Variants in ADAMTS9 observed in about 807,000 individuals in gnomAD.
The protein encoded by ADAMTS9 is ADAM metallopeptidase with thrombospondin type 1 motif 9.
Under a neutral mutation model 257.1 loss-of-function variants are expected in ADAMTS9, and 107 were observed. The ratio of observed to expected loss-of-function variants is 0.42; its 90% confidence interval spans 0.36 to 0.49. The LOEUF (loss-of-function observed/expected upper bound fraction) is 0.49, where lower values mean the gene tolerates loss of function less well. Ranked by LOEUF, ADAMTS9 falls within the 20% of genes least tolerant of loss-of-function variation. ADAMTS9 has a pLI of 0.03. For synonymous variants in ADAMTS9, 982 were observed against 880.9 expected (o/e 1.11, Z -2.03); for missense variants, 2,353 against 2,469.1 (o/e 0.95, Z 1.00).
chr3:64,598,377 G>A (rs1480983843), intron 26 of ADAMTS9, among the ~76,000 whole-genome samples: 26 of 150,230 alleles, frequency 1.7e-4, no homozygotes, highest in Admixed American at 1.7e-3. Context: ...GAACACAGTG[G>A]TGCGATCACA....
At chr3:64,615,852 C>T (rs568990663) in intron 20 of ADAMTS9, 108 bp downstream of exon 20, 295 of 1,302,396 alleles carry the variant, frequency 2.3e-4, no homozygotes, top group Non-Finnish European at 3.0e-4. Context: ...AAATCAATCA[C>T]GGTCATCTCT....
At chr3:64,576,385 TC>T (rs2083847361) in intron 28 of ADAMTS9, among the ~76,000 whole-genome samples, 1 of 152,190 alleles carries the variant, frequency 6.6e-6, no homozygotes, top group Admixed American at 6.5e-5. Flanking sequence ...GTTGTCACAG[TC>T]CTTTGTCAAA....
chr3:64,532,151 G>A (rs751500740), intron 38 of ADAMTS9, among the ~76,000 whole-genome samples: 7 of 152,188 alleles, frequency 4.6e-5, no homozygotes, highest in Non-Finnish European at 1.0e-4. Flanking sequence ...CAGTCGACAC[G>A]CTCCTCAGTT....
chr3:64,528,473 C>A (rs923607189), intron 38 of ADAMTS9, among the ~76,000 whole-genome samples: 1 of 152,138 alleles, frequency 6.6e-6, no homozygotes, highest in African/African-American at 2.4e-5. Context: ...TGAGGAGAAA[C>A]TTTACGACCC....
At chr3:64,642,071 C>G (rs1700659837) in intron 11 of ADAMTS9, 78 bp from the exon 12 acceptor site, 1 of 1,498,816 alleles carries the variant, frequency 6.7e-7, no homozygotes, top group African/African-American at 1.4e-5. Flanking sequence ...TTTAAACACA[C>G]CATACTGTAA....
At chr3:64,666,661 A>G (rs1224193362) in intron 3 of ADAMTS9, among the ~76,000 whole-genome samples, 1 of 152,220 alleles carries the variant, frequency 6.6e-6, no homozygotes. Flanking sequence ...GCATACTGCA[A>G]AGAGTAACTG....
intron 29 of ADAMTS9, chr3:64,563,358 T>A (rs1054389903): frequency 1.3e-5 from 2 of 152,126 alleles, no homozygotes; most frequent in Admixed American, 1.3e-4. Flanking sequence ...GTCTTAAATA[T>A]AAAAGAGCAC....
chr3:64,612,305 C>G (rs950346071), intron 22 of ADAMTS9, among the ~76,000 whole-genome samples: 2 of 152,126 alleles, frequency 1.3e-5, no homozygotes, highest in African/African-American at 4.8e-5. Flanking sequence ...ATATTCAGAT[C>G]TTGACAGTGA....
At chr3:64,683,777 A>G (rs375618618) in intron 2 of ADAMTS9, among the ~76,000 whole-genome samples, 1 of 152,168 alleles carries the variant, frequency 6.6e-6, no homozygotes, top group Non-Finnish European at 1.5e-5. Flanking sequence ...CAAAGCTCCA[A>G]TATAGGAGAA....
chr3:64,661,305 A>G (rs1046749516), intron 3 of ADAMTS9, among the ~76,000 whole-genome samples: 1 of 135,376 alleles, frequency 7.4e-6, no homozygotes. Context: ...ATTTGTATAC[A>G]TATATGAGCT....
chr3:64,687,050 T>C lies in ADAMTS9; in HGVS notation c.116-82A>G. 2 of 1,489,044 alleles carry C rather than the reference T, an allele frequency of 1.3e-6. No homozygotes were observed. Among genetic ancestry groups the C allele is most frequent in the Non-Finnish European group, 1.8e-6 (2 of 1,104,384 alleles). The allele number at this position is 1,489,044 out of a possible 1,614,324, so 92.2% of individuals were successfully genotyped here. ...TTTAAAACGAAGGTGGGGACTTTGT[T>C]CTGACCTTATTTTCCAGCCCATTCG... On this transcript the variant is annotated intron_variant, in intron 1 of 39. Transcript: ENST00000498707. This position sits in a 1 kb window ranked among gnomAD's most constrained non-coding sequence, Gnocchi z 4.4.
intron 29 of ADAMTS9, among the ~76,000 whole-genome samples, chr3:64,564,415 T>A (rs2083488771): frequency 6.6e-6 from 1 of 152,192 alleles, no homozygotes; most frequent in South Asian, 2.1e-4. Flanking sequence ...TCTTCCAGGA[T>A]TACTGCTGAA....
At chr3:64,539,143 A>C in intron 37 of ADAMTS9, 60 bp downstream of exon 37, 3 of 1,477,888 alleles carry the variant, frequency 2.0e-6, no homozygotes, top group East Asian at 2.3e-5. Flanking sequence ...GCAACTGAGG[A>C]TGTTCCCGGG....
chr3:64,654,682 G>C, intron 6 of ADAMTS9, 70 bp from the exon 7 acceptor site: 1 of 1,545,054 alleles, frequency 6.5e-7, no homozygotes, highest in Non-Finnish European at 8.9e-7. Flanking sequence ...AATACTTTAG[G>C]GTCGTCTAGG....
At chr3:64,633,655 TGCCG>T (rs1341459751) in intron 13 of ADAMTS9, 39 bp downstream of exon 13, 1 of 1,613,796 alleles carries the variant, frequency 6.2e-7, no homozygotes, top group Non-Finnish European at 8.5e-7. Flanking sequence ...CTGGCCTCAG[TGCCG>T]GCCGGCCAAC....
At chr3:64,634,443 A>G (rs77132337) in intron 12 of ADAMTS9, among the ~76,000 whole-genome samples, 113 of 152,362 alleles carry the variant, frequency 7.4e-4, no homozygotes, top group Middle Eastern at 6.8e-3. Context: ...ATAAAATGGA[A>G]TAATGGGAAT....
chr3:64,677,871 C>A (rs1040091454), intron 3 of ADAMTS9, among the ~76,000 whole-genome samples: 1 of 152,188 alleles, frequency 6.6e-6, no homozygotes, highest in African/African-American at 2.4e-5. Flanking sequence ...AATAAATGCA[C>A]GCATGAATGA....
At chr3:64,559,710 A>G (rs781642132) in intron 30 of ADAMTS9, among the ~76,000 whole-genome samples, 1 of 152,252 alleles carries the variant, frequency 6.6e-6, no homozygotes, top group Non-Finnish European at 1.5e-5. Context: ...TGATCAGAGA[A>G]GAGGAATTTC....
At chr3:64,519,633 G>C (rs1441993839) in intron 39 of ADAMTS9, among the ~76,000 whole-genome samples, 1 of 152,056 alleles carries the variant, frequency 6.6e-6, no homozygotes, top group Non-Finnish European at 1.5e-5. Context: ...GGCAGGCAAG[G>C]ATCATTCAAC....
Sources: gnomAD v4.1 joint callset for allele counts (sites outside exome capture counted in the v4.1 genomes callset) on GRCh38, gnomAD v4.1.1 for gene constraint, Gnocchi (gnomAD v3.1) non-coding constraint, MANE v1.5 for transcripts, NCBI Gene and HGNC (gene_info 2026-07-23, HGNC 2026-07-21) for gene names.